LRRC37A2: variants seen among roughly 807,000 people sequenced by gnomAD.
The protein encoded by LRRC37A2 is leucine rich repeat containing 37 member A2.
LRRC37A2 carries 9 observed loss-of-function variants against 68.8 expected under a neutral mutation model. That is an observed-to-expected ratio of 0.13 (90% CI 0.08 to 0.23). The LOEUF (loss-of-function observed/expected upper bound fraction) is 0.23, where lower values mean the gene tolerates loss of function less well. Ranked by LOEUF, LRRC37A2 falls within the 10% of genes least tolerant of loss-of-function variation. The pLI, the probability that LRRC37A2 is intolerant of heterozygous loss-of-function variation, is 1.00. For missense variants in LRRC37A2, 168 were observed against 950.4 expected, an observed-to-expected ratio of 0.18 and a Z score of 10.82; for synonymous variants, 63 against 367.6, an observed-to-expected ratio of 0.17 and a Z score of 9.48.
At chr17:46,768,337 C>T in the LRRC37A2 span, 11 of 1,613,570 alleles carry the variant, frequency 6.8e-6, no homozygotes, top group Middle Eastern at 1.6e-4. This position sits in a 1 kb window ranked among gnomAD's most constrained non-coding sequence, Gnocchi z 5.0. Context: ...CAGGTGTGCA[C>T]GTCGTAGATG....
At chr17:46,888,314 G>A in the LRRC37A2 span, among the ~76,000 whole-genome samples, 9 of 152,276 alleles carry the variant, frequency 5.9e-5, no homozygotes, top group East Asian at 1.5e-3. Context: ...AAACACCAAC[G>A]TTGCAGGGTC....
chr17:47,006,708 A>G, the LRRC37A2 span, among the ~76,000 whole-genome samples: 1 of 152,160 alleles, frequency 6.6e-6, no homozygotes, highest in Non-Finnish European at 1.5e-5. Flanking sequence ...TCCTCTCTTG[A>G]CTGACAATGT....
At chr17:46,788,818 C>T in the LRRC37A2 span, among the ~76,000 whole-genome samples, 1 of 152,216 alleles carries the variant, frequency 6.6e-6, no homozygotes, top group African/African-American at 2.4e-5. Flanking sequence ...TCCTTTCCTT[C>T]GTCTCTCCCA....
At chr17:46,769,740 G>A in the LRRC37A2 span, 1 of 1,602,162 alleles carries the variant, frequency 6.2e-7, no homozygotes, top group Non-Finnish European at 8.5e-7. Context: ...GGGGAAGCGG[G>A]GGGCTGCTCC....
At chr17:46,522,467 C>T (rs1454450899) in intron 4 of LRRC37A2, among the ~76,000 whole-genome samples, 217 of 124,154 alleles carry the variant, frequency 1.7e-3, no homozygotes, top group African/African-American at 6.7e-3. Context: ...TTGTTTGAGA[C>T]GGAATCTCGC....
the LRRC37A2 span, among the ~76,000 whole-genome samples, chr17:46,796,855 C>T: frequency 6.6e-6 from 1 of 152,190 alleles, no homozygotes; most frequent in Non-Finnish European, 1.5e-5. Context: ...CCACTCAAGC[C>T]CTCCAGAAAG....
At chr17:46,985,055 C>T in the LRRC37A2 span, among the ~76,000 whole-genome samples, 1 of 152,214 alleles carries the variant, frequency 6.6e-6, no homozygotes, top group Non-Finnish European at 1.5e-5. Context: ...CCTGTTTGCC[C>T]AGTTCCTGTC....
chr17:46,856,712 G>GACCTCAGGTGATCCACCC, the LRRC37A2 span, among the ~76,000 whole-genome samples: 1,283 of 152,216 alleles, frequency 8.4e-3, 17 homozygotes, highest in African/African-American at 0.029. Flanking sequence ...TCAAACTCCT[G>GACCTCAGGTGATCCACCC]ACCTCAGGTG....
chr17:46,976,611 T>A, the LRRC37A2 span, among the ~76,000 whole-genome samples: 16,439 of 152,148 alleles, frequency 0.11, 1,023 homozygotes, highest in Admixed American at 0.16. Context: ...CTCGCCCCAG[T>A]CACATTTAGT....
At chr17:46,726,619 A>C in the LRRC37A2 span, 1 of 1,613,200 alleles carries the variant, frequency 6.2e-7, no homozygotes, top group Admixed American at 1.7e-5. Context: ...TTGCTTGGTG[A>C]GTCCTAACTT....
At chr17:46,823,061 T>TA in the LRRC37A2 span, among the ~76,000 whole-genome samples, 5 of 131,634 alleles carry the variant, frequency 3.8e-5, no homozygotes, top group Non-Finnish European at 4.6e-5. Context: ...AAATATGTAT[T>TA]TATAATAAAT....
the LRRC37A2 span, among the ~76,000 whole-genome samples, chr17:46,774,408 C>G: frequency 6.6e-6 from 1 of 152,242 alleles, no homozygotes; most frequent in African/African-American, 2.4e-5. Context: ...CTCTTCCCTG[C>G]GATGGTGCCA....
the LRRC37A2 span, among the ~76,000 whole-genome samples, chr17:46,794,528 C>T: frequency 6.6e-6 from 1 of 152,172 alleles, no homozygotes; most frequent in Non-Finnish European, 1.5e-5. Flanking sequence ...CTGAGAAGGG[C>T]TCTTCAAGGC....
the LRRC37A2 span, among the ~76,000 whole-genome samples, chr17:46,862,749 AT>A: frequency 6.6e-6 from 1 of 151,980 alleles, no homozygotes; most frequent in African/African-American, 2.4e-5. Context: ...CACCTGGCTA[AT>A]TTTTTGTATC....
chr17:46,873,730 G>A, the LRRC37A2 span, among the ~76,000 whole-genome samples: 3 of 150,508 alleles, frequency 2.0e-5, no homozygotes, highest in Non-Finnish European at 2.9e-5. Flanking sequence ...GCAGTTGGCC[G>A]GTTGCCATGG....
At chr17:46,405,819 C>T in the LRRC37A2 span, among the ~76,000 whole-genome samples, 1 of 106,248 alleles carries the variant, frequency 9.4e-6, no homozygotes, top group Non-Finnish European at 2.0e-5. Context: ...GACTACCTGT[C>T]ATAGCTCACT....
the LRRC37A2 span, among the ~76,000 whole-genome samples, chr17:46,765,474 A>G: frequency 6.6e-6 from 1 of 152,378 alleles, no homozygotes; most frequent in South Asian, 2.1e-4. Flanking sequence ...CAAAGGAAGG[A>G]CACAAGCCAT....
chr17:46,808,436 G>A, the LRRC37A2 span, among the ~76,000 whole-genome samples: 1 of 152,190 alleles, frequency 6.6e-6, no homozygotes, highest in Admixed American at 6.5e-5. Flanking sequence ...AGTAGAATAT[G>A]AACAAGCAAA....
the LRRC37A2 span, among the ~76,000 whole-genome samples, chr17:46,501,292 C>T: frequency 2.0e-5 from 3 of 151,140 alleles, no homozygotes; most frequent in Admixed American, 2.0e-4. Context: ...TCTCCTGCCT[C>T]AGCCTCCTGA....
Sources: gnomAD v4.1 joint callset for allele counts (sites outside exome capture counted in the v4.1 genomes callset) on GRCh38, gnomAD v4.1.1 for gene constraint, Gnocchi (gnomAD v3.1) non-coding constraint, MANE v1.5 for transcripts, NCBI Gene and HGNC (gene_info 2026-07-23, HGNC 2026-07-21) for gene names.